ST6GALNAC1: variants seen among roughly 807,000 people sequenced by gnomAD.
ST6GALNAC1 encodes alpha-N-acetylgalactosaminide alpha-2,6-sialyltransferase 1.
In ST6GALNAC1, 45 loss-of-function variants were observed where a neutral mutation model predicts 56.8. The ratio of observed to expected loss-of-function variants is 0.79; its 90% confidence interval spans 0.62 to 1.02. The LOEUF (loss-of-function observed/expected upper bound fraction) is 1.02. Among genes scored for constraint, ST6GALNAC1 ranks in the 50% least tolerant of loss-of-function variants. The pLI, the probability that ST6GALNAC1 is intolerant of heterozygous loss-of-function variation, is 0.00. For missense variants in ST6GALNAC1, 743 were observed against 754.8 expected (o/e 0.98, Z 0.18); for synonymous variants, 295 against 297.8 (o/e 0.99, Z 0.10).
rs2075774004 is a variant in ST6GALNAC1, at chr17:76,624,876, C to A, written c.*454G>T. The A allele has an allele frequency of 5.5e-6, 1 of 182,488 alleles. No homozygotes were observed. The highest frequency in any genetic ancestry group is 1.2e-4 in the South Asian group (1 of 8,448). The allele number at this position is 182,488 out of a possible 1,614,324, so 11.3% of individuals were successfully genotyped here. ...GCTTAAAGACAAGGACAAGTATAGA[C>A]CCTTCTAGAATCAGATAACTCCTAG... On this transcript the variant is annotated 3_prime_UTR_variant, in exon 9 of 9. Transcript: ENST00000156626.
chr17:76,634,977 G>A (rs913927402), intron 1 of ST6GALNAC1, among the ~76,000 whole-genome samples: 1 of 152,168 alleles, frequency 6.6e-6, no homozygotes, highest in South Asian at 2.1e-4. Context: ...TTATTTTTAC[G>A]ACTTTACTTT....
chr17:76,640,321 A>G (rs889296502), intron 1 of ST6GALNAC1, among the ~76,000 whole-genome samples: 1 of 152,154 alleles, frequency 6.6e-6, no homozygotes, highest in Non-Finnish European at 1.5e-5. Context: ...TACATCGTGG[A>G]CAGTTCCAAC....
At position 76,629,494 on chromosome 17, in the gene ST6GALNAC1, G is replaced by A. The variant is rs760946201; in HGVS notation, c.349C>T (p.His117Tyr). Residue 117 changes from histidine (H) to tyrosine (Y), a missense_variant, in exon 2 of 9, where the codon CAC becomes TAC. Transcript: ENST00000156626. ...TTCCATGCTGCCCTCTGTGCTGTGT[G>A]GGGCACCTTGTCCTGCTCCTCCGGC... ...APPEEQDKVP[H>Y]TAQRAAWKSP... 5 of 1,613,880 alleles carry A rather than the reference G, an allele frequency of 3.1e-6. No individual in the cohort carries two copies. The highest frequency in any genetic ancestry group is 4.5e-5 in the East Asian group (2 of 44,860).
chr17:76,628,099 A>G (rs1193211537), intron 2 of ST6GALNAC1, among the ~76,000 whole-genome samples: 3 of 141,612 alleles, frequency 2.1e-5, no homozygotes, highest in East Asian at 2.1e-4. Context: ...TCCATCTCAA[A>G]AAAAAAAAAA....
chr17:76,617,955 C>G, the ST6GALNAC1 span, among the ~76,000 whole-genome samples: 2 of 152,190 alleles, frequency 1.3e-5, no homozygotes, highest in African/African-American at 4.8e-5. Context: ...GGCTGTTTCT[C>G]TGGGTCAAGG....
chr17:76,640,498 T>A (rs923613661), intron 1 of ST6GALNAC1, among the ~76,000 whole-genome samples: 2 of 152,218 alleles, frequency 1.3e-5, no homozygotes, highest in African/African-American at 4.8e-5. Context: ...CCAGGAGGAC[T>A]CTAACCCTCT....
rs772127622 is a variant in ST6GALNAC1 at position 76,629,573 on chromosome 17, G to A, written c.270C>T (p.Thr90=). The A allele has an allele frequency of 1.9e-6, 3 of 1,613,984 alleles. No homozygotes were observed. Among genetic ancestry groups the A allele is most frequent in the East Asian group, 2.2e-5 (1 of 44,866 alleles). Residue 90 remains threonine (T), a synonymous_variant, in exon 2 of 9, where the codon ACC becomes ACT. Coordinates refer to ENST00000156626, the MANE Select transcript of ST6GALNAC1 (RefSeq NM_018414.5). The part of the protein sequence containing the change: ...VPENNALNTQ[T]QPKAHTTGDR... ...CTCCGGTGGTGTGGGCCTTGGGCTG[G>A]GTTTGTGTGTTGAGGGCATTGTTCT...
At chr17:76,639,536 C>T (rs922226271) in intron 1 of ST6GALNAC1, among the ~76,000 whole-genome samples, 3 of 152,068 alleles carry the variant, frequency 2.0e-5, no homozygotes, top group African/African-American at 7.2e-5. Flanking sequence ...GATCGCGCCA[C>T]TGCACTCCAG....
chr17:76,618,489 A>G, the ST6GALNAC1 span, among the ~76,000 whole-genome samples: 1 of 152,050 alleles, frequency 6.6e-6, no homozygotes, highest in African/African-American at 2.4e-5. Context: ...AAAGCTATAA[A>G]TTTTTTGGCT....
In ST6GALNAC1 at chr17:76,626,066, G is replaced by C. The variant is rs531716573; in HGVS notation, c.1445C>G (p.Ala482Gly). The stretch of plus-strand genomic sequence containing the variant: ...CAACAGGTACCTGTCCATGTGCAGG[G>C]CTTCCCGAAAAGCTTCCTGGGGTCT... ...RHRPQEAFREALHMDRYLLLH... is the reference protein window; with the variant it reads ...RHRPQEAFREGLHMDRYLLLH... The change falls in exon 7 of 9, where the codon GCC becomes GGC. Residue 482 changes from alanine (A) to glycine (G), a missense_variant. Physicochemically the swap from Ala to Gly is moderately conservative, Grantham distance 60. Coordinates refer to ENST00000156626, the MANE Select transcript of ST6GALNAC1 (RefSeq NM_018414.5). 2.5e-6 allele frequency: 4 copies of C among 1,614,044 alleles called. No individual in the cohort carries two copies. Among genetic ancestry groups the C allele is most frequent in the East Asian group, 2.2e-5 (1 of 44,898 alleles).
chr17:76,620,879 G>A (rs2075733173), downstream of ST6GALNAC1, among the ~76,000 whole-genome samples: 1 of 152,134 alleles, frequency 6.6e-6, no homozygotes, highest in South Asian at 2.1e-4. Flanking sequence ...ACAGGCATGA[G>A]CCACCATGCC....
At chr17:76,620,195 C>T (rs916188933), downstream of ST6GALNAC1, among the ~76,000 whole-genome samples, 2 of 151,764 alleles carry the variant, frequency 1.3e-5, no homozygotes, top group African/African-American at 4.8e-5. Flanking sequence ...CACGTGCCAC[C>T]ATGCCCAGCT....
At chr17:76,631,650 C>T (rs550987956) in intron 1 of ST6GALNAC1, among the ~76,000 whole-genome samples, 8 of 152,130 alleles carry the variant, frequency 5.3e-5, no homozygotes, top group Non-Finnish European at 1.2e-4. Context: ...CTCCAACCCA[C>T]AGGCTGGTGG....
Position 76,627,196 on chromosome 17 carries a change from T to G in ST6GALNAC1, c.1043A>C (p.Gln348Pro). The G allele has an allele frequency of 6.3e-7, 1 of 1,597,370 alleles. No homozygotes were observed. The change falls in exon 4 of 9, where the codon CAG (glutamine) becomes CCG (proline). Residue 348 changes from glutamine to proline, a missense_variant. Coordinates refer to ENST00000156626, the MANE Select transcript of ST6GALNAC1 (RefSeq NM_018414.5). This position sits in a 1 kb window ranked among gnomAD's most constrained non-coding sequence, Gnocchi z 4.4. Reference protein sequence around the residue: ...VVTRFPPVPQQQLLLASLPAG... With the variant: ...VVTRFPPVPQPQLLLASLPAG... ...GGGGAGGCTGGCCAGGAGCAGCTGC[T>G]GCTGGGGCACTGGAGGGAAGCGTGT...
chr17:76,639,028 A>G (rs2076012750), intron 1 of ST6GALNAC1, among the ~76,000 whole-genome samples: 1 of 152,158 alleles, frequency 6.6e-6, no homozygotes, highest in Non-Finnish European at 1.5e-5. Flanking sequence ...AACCGTTGCA[A>G]TGGTCTCTAA....
intron 5 of ST6GALNAC1, 55 bp downstream of exon 5, chr17:76,626,596 C>T (rs2143416348): frequency 1.2e-6 from 2 of 1,610,918 alleles, no homozygotes; most frequent in Non-Finnish European, 1.7e-6. Flanking sequence ...TTCTCACCTC[C>T]TGTGCTCCCT....
intron 1 of ST6GALNAC1, among the ~76,000 whole-genome samples, chr17:76,639,142 T>G (rs2076013891): frequency 6.6e-6 from 1 of 152,226 alleles, no homozygotes; most frequent in Admixed American, 6.5e-5. Flanking sequence ...TCCCTTACTC[T>G]AAAGTTTTTG....
chr17:76,630,475 T>C (rs2075876049), intron 1 of ST6GALNAC1, among the ~76,000 whole-genome samples: 1 of 152,128 alleles, frequency 6.6e-6, no homozygotes, highest in Admixed American at 6.6e-5. Flanking sequence ...GGGCACTCTC[T>C]ATTCTGACCT....
At chr17:76,633,823 T>G (rs1400517524) in intron 1 of ST6GALNAC1, 2 of 152,050 alleles carry the variant, frequency 1.3e-5, no homozygotes, top group African/African-American at 4.8e-5. Context: ...AACCTGGAAG[T>G]GAAGAAATGG....
Sources: allele counts gnomAD v4.1 joint callset (sites outside exome capture counted in the v4.1 genomes callset), GRCh38; gene constraint gnomAD v4.1.1; non-coding constraint Gnocchi (gnomAD v3.1); transcripts MANE v1.5; gene names NCBI Gene and HGNC (gene_info 2026-07-23, HGNC 2026-07-21).